Variants in ERCC6L2 observed in about 807,000 individuals in gnomAD.
ERCC6L2 encodes ERCC excision repair 6 like 2.
A neutral mutation model predicts 132.0 loss-of-function variants in ERCC6L2; 77 were observed. The ratio of observed to expected loss-of-function variants is 0.58; its 90% CI spans 0.49 to 0.71. The LOEUF is 0.71. Among genes scored for constraint, ERCC6L2 ranks in the 30% least tolerant of loss-of-function variants. The pLI, the probability that ERCC6L2 is intolerant of heterozygous loss-of-function variation, is 0.00. For synonymous variants in ERCC6L2, 583 were observed against 632.4 expected (o/e 0.92, Z 1.17); for missense variants, 1,542 against 1,837.6 (o/e 0.84, Z 2.94).
chr9:95,898,477 G>A (rs1828583698), intron 3 of ERCC6L2, among the ~76,000 whole-genome samples: 1 of 152,000 alleles, frequency 6.6e-6, no homozygotes, highest in South Asian at 2.1e-4. Flanking sequence ...GTAGGTCTGT[G>A]CTTATTTCTC....
At chr9:95,977,757 T>C (rs571810154) in intron 16 of ERCC6L2, among the ~76,000 whole-genome samples, 1 of 151,682 alleles carries the variant, frequency 6.6e-6, no homozygotes, top group South Asian at 2.1e-4. Flanking sequence ...TAATTAACAA[T>C]GAAAACAAAT....
chr9:95,977,934 A>G (rs1832735502), intron 16 of ERCC6L2, 127 bp from the exon 17 acceptor site: 3 of 547,720 alleles, frequency 5.5e-6, no homozygotes, highest in Non-Finnish European at 7.7e-6. Flanking sequence ...TCTTTTCAAT[A>G]TTTTTCCTAA....
In ERCC6L2 at chr9:95,922,382, C is replaced by T. The variant is rs760573363; in HGVS notation, c.1377C>T (p.Val459=). 2.7e-5 allele frequency: 43 copies of T among 1,612,918 alleles called. No homozygotes were observed. The highest frequency in any genetic ancestry group is 1.7e-4 in the Admixed American group (10 of 59,980). Residue 459 remains valine, a synonymous_variant, in exon 8 of 19, where the codon GTC becomes GTT. Transcript: ENST00000653738. The part of the protein sequence containing the change: ...LTVLQKVANH[V]ALLQAASTSK... ...TCCTTCAGAAGGTAGCTAACCATGT[C>T]GCGCTACTGCAAGCTGCTAGTACTT... is the stretch of plus-strand genomic sequence containing the variant.
chr9:96,027,341 G>A (rs4743472), intron 19 of ERCC6L2, among the ~76,000 whole-genome samples: 19,716 of 152,236 alleles, frequency 0.13, 1,365 homozygotes, highest in Middle Eastern at 0.24. Flanking sequence ...AACCGGGAAG[G>A]CTGAAGTGGA....
downstream of ERCC6L2, chr9:96,021,278 T>TTCTCTGTAAAGAAAAGAGA (rs1834284087): frequency 2.9e-6 from 1 of 343,830 alleles, no homozygotes; most frequent in African/African-American, 2.2e-5. This position sits in a 1 kb window ranked among gnomAD's most constrained non-coding sequence, Gnocchi z 4.7. Context: ...CAGGCTGCTT[T>TTCTCTGTAAAGAAAAGAGA]TCTCTGTAAA....
At position 95,915,691 on chromosome 9, in the gene ERCC6L2, T is replaced by G; in HGVS notation, c.812T>G (p.Val271Gly). The change falls in exon 5 of 19, where the codon GTG (valine) becomes GGG (glycine). Residue 271 changes from valine to glycine, a missense_variant. Val to Gly is a moderately radical substitution (Grantham distance 109). Coordinates refer to ENST00000653738, the MANE Select transcript of ERCC6L2 (RefSeq NM_020207.7). ...AGTTTGGAATGGTCAGCTGTCATTG[T>G]GGATGAAGCTCATAGAATCAAGAAT... ...LNSLEWSAVI[V>G]DEAHRIKNPK... 1 of 1,613,062 alleles carries G rather than the reference T, an allele frequency of 6.2e-7. No homozygotes were observed.
intron 6 of ERCC6L2, among the ~76,000 whole-genome samples, chr9:95,917,940 A>G (rs572755913): frequency 6.6e-6 from 1 of 152,318 alleles, no homozygotes; most frequent in East Asian, 1.9e-4. Flanking sequence ...TTTGTACTTC[A>G]ATCATTGACC....
At chr9:96,011,307 C>T (rs1220365577) in intron 18 of ERCC6L2, among the ~76,000 whole-genome samples, 1 of 152,232 alleles carries the variant, frequency 6.6e-6, no homozygotes, top group South Asian at 2.1e-4. Context: ...TGTGGGTTCT[C>T]TGGCATCTCT....
intron 17 of ERCC6L2, among the ~76,000 whole-genome samples, chr9:95,993,304 T>G (rs1302528929): frequency 6.6e-6 from 1 of 152,260 alleles, no homozygotes; most frequent in Non-Finnish European, 1.5e-5. Flanking sequence ...GCTTCTATCC[T>G]GCTCTAGCCT....
chr9:95,994,381 CCTT>C (rs56220931), intron 17 of ERCC6L2, among the ~76,000 whole-genome samples: 4,676 of 152,252 alleles, frequency 0.031, 100 homozygotes, highest in East Asian at 0.13. Flanking sequence ...AAGATCTCCT[CCTT>C]GTTTCCAGTT....
In ERCC6L2 at chr9:96,010,747, G is replaced by A. The variant is rs2292637; in HGVS notation, c.3675-1478G>A. Among the ~76,000 whole-genome samples, 69 of 152,170 alleles carry A rather than the reference G, an allele frequency of 4.5e-4. 1 individual carries two copies. The East Asian group carries it at 0.013, about 28-fold the overall frequency. ...TACCTCATGGTAAATTTACATTATG[G>A]GTTTATCACTCTATTCTACTTTGAT... On this transcript the variant is annotated intron_variant, in intron 18 of 18. Transcript: ENST00000653738.
chr9:95,920,198 C>A (rs926991404), intron 6 of ERCC6L2, among the ~76,000 whole-genome samples: 3 of 152,128 alleles, frequency 2.0e-5, no homozygotes, highest in Non-Finnish European at 4.4e-5. Flanking sequence ...CCTGCCTCTC[C>A]TGCCTCCCTT....
At position 95,955,900 on chromosome 9, in the gene ERCC6L2, T is replaced by A; in HGVS notation, c.1848-14T>A. On this transcript the variant is annotated splice_polypyrimidine_tract_variant and intron_variant, in intron 12 of 18. Coordinates refer to ENST00000653738, the MANE Select transcript of ERCC6L2 (RefSeq NM_020207.7). ...TTCACTTGATTTTTGTTTGTATTTT[T>A]AATCCTTTTACAGAGCATATAGGAT... 1 of 1,506,774 alleles carries A rather than the reference T, an allele frequency of 6.6e-7. No individual in the cohort carries two copies. The highest frequency in any genetic ancestry group is 1.4e-5 in the African/African-American group (1 of 70,952). 93.3% of individuals were successfully genotyped at this position (1,506,774 alleles called of 1,614,324 possible). A position where few individuals can be genotyped will look rare whatever the true frequency, so the allele number is the denominator to read the frequency against.
intron 2 of ERCC6L2, among the ~76,000 whole-genome samples, chr9:95,885,680 T>C (rs1012175722): frequency 2.6e-5 from 4 of 152,152 alleles, no homozygotes; most frequent in African/African-American, 9.7e-5. Flanking sequence ...AACTCAGTGA[T>C]AGGAAAAGAG....
chr9:96,029,316 A>C (rs1045320274), intron 19 of ERCC6L2, among the ~76,000 whole-genome samples: 27 of 150,586 alleles, frequency 1.8e-4, no homozygotes, highest in Admixed American at 9.9e-4. Flanking sequence ...AAAAAAAAAA[A>C]AAAAAAACAA....
chr9:95,943,868 G>A (rs1587949670), intron 12 of ERCC6L2, among the ~76,000 whole-genome samples: 1 of 152,206 alleles, frequency 6.6e-6, no homozygotes. Flanking sequence ...ACAAGTCCTA[G>A]TTGAGGATAT....
rs1398683820 is a variant in ERCC6L2, at chr9:96,026,990, CCACACTACACACA to C, written c.*1504-11871_*1504-11859del. ...ACCGCACAAACACACCACACACACA[CCACACTACACACA>C]CACACTACACACACCACATACCCCA... is the stretch of plus-strand genomic sequence containing the variant. On this transcript the variant is annotated intron_variant and NMD_transcript_variant, in intron 19 of 20. Transcript: ENST00000670016. Among the ~76,000 whole-genome samples the C allele has an allele frequency of 2.1e-3, 304 of 147,760 alleles. 1 individual carries two copies. The highest frequency in any genetic ancestry group is 7.2e-3 in the African/African-American group (288 of 39,976).
intron 11 of ERCC6L2, among the ~76,000 whole-genome samples, chr9:95,940,003 C>T (rs965179830): frequency 2.6e-5 from 4 of 152,162 alleles, no homozygotes; most frequent in Non-Finnish European, 4.4e-5. Context: ...TGCTGATAGC[C>T]TGAGAGGGAA....
Position 95,916,422 on chromosome 9 carries a change from G to A in ERCC6L2, c.1146G>A (p.Lys382=). 1 of 1,564,908 alleles carries A rather than the reference G, an allele frequency of 6.4e-7. No individual in the cohort carries two copies. Among genetic ancestry groups the A allele is most frequent in the South Asian group, 1.2e-5 (1 of 83,374 alleles). ...CTCTTATCAAGGATCAGTTGCCTAA[G>A]AAGGAAGACCGGGTAAGAACCGCAT... The part of the protein sequence containing the change: ...TKTLIKDQLP[K]KEDRMVYCSL... The change falls in exon 6 of 19, where the codon AAG becomes AAA. Residue 382 remains lysine, a synonymous_variant. Coordinates refer to ENST00000653738, the MANE Select transcript of ERCC6L2 (RefSeq NM_020207.7).
Sources: allele counts gnomAD v4.1 joint callset (sites outside exome capture counted in the v4.1 genomes callset), GRCh38; gene constraint gnomAD v4.1.1; non-coding constraint Gnocchi (gnomAD v3.1); transcripts MANE v1.5; gene names NCBI Gene and HGNC (gene_info 2026-07-23, HGNC 2026-07-21).